Variants in MAPK9 observed in about 807,000 individuals in gnomAD.
The protein encoded by MAPK9 is mitogen-activated protein kinase 9.
Under a neutral mutation model 57.1 loss-of-function variants are expected in MAPK9, and 30 were observed. That is an observed-to-expected ratio of 0.53 (90% confidence interval 0.39 to 0.71). The LOEUF (loss-of-function observed/expected upper bound fraction) is 0.71. Among genes scored for constraint, MAPK9 ranks in the 30% least tolerant of loss-of-function variants. The pLI is 0.00. For missense variants in MAPK9, 362 were observed against 521.0 expected (o/e 0.69, Z 2.97); for synonymous variants, 155 against 177.0 (o/e 0.88, Z 0.99).
At chr5:180,262,197 C>A (rs574204065) in intron 4 of MAPK9, among the ~76,000 whole-genome samples, 5 of 152,232 alleles carry the variant, frequency 3.3e-5, no homozygotes, top group Non-Finnish European at 5.9e-5. Flanking sequence ...GGAGGCTCTG[C>A]ACGTAAGGGG....
chr5:180,258,697 CAT>C (rs1561808797), intron 5 of MAPK9, among the ~76,000 whole-genome samples: 1 of 151,998 alleles, frequency 6.6e-6, no homozygotes, highest in East Asian at 1.9e-4. Flanking sequence ...CCTCCAAACA[CAT>C]GAGAGAACTC....
In MAPK9 at chr5:180,280,625, A is replaced by T; in HGVS notation, c.-47-17T>A. On this transcript the variant is annotated splice_polypyrimidine_tract_variant and intron_variant, in intron 1 of 11. Coordinates refer to ENST00000452135, the MANE Select transcript of MAPK9 (RefSeq NM_002752.5). ...TTCAGATCCCTTCAAAGAAAAACAG[A>T]ATGAACGTGCATTCTTACCGGAAGT... 6.3e-7 allele frequency: 1 copy of T among 1,581,584 alleles called. No homozygotes were observed.
chr5:180,252,509 C>A (rs1271042133), intron 5 of MAPK9, among the ~76,000 whole-genome samples: 2 of 152,184 alleles, frequency 1.3e-5, no homozygotes, highest in African/African-American at 4.8e-5. Flanking sequence ...GTCTCCTCCA[C>A]CCACCCCGGG....
intron 1 of MAPK9, among the ~76,000 whole-genome samples, chr5:180,286,752 C>T (rs948560783): frequency 6.6e-6 from 1 of 152,246 alleles, no homozygotes; most frequent in African/African-American, 2.4e-5. Context: ...CAGAAGCATT[C>T]TCCCAGCCAC....
chr5:180,248,470 G>A (rs1451139308), intron 6 of MAPK9, among the ~76,000 whole-genome samples: 1 of 152,226 alleles, frequency 6.6e-6, no homozygotes, highest in African/African-American at 2.4e-5. Context: ...AAAGAGCTCT[G>A]ATATTGCTAG....
rs1346110709 is a variant in MAPK9, at chr5:180,236,426, G to A, written c.1233C>T (p.Ser411=). 3.7e-6 allele frequency: 6 copies of A among 1,613,444 alleles called. No individual in the cohort carries two copies. Among genetic ancestry groups the A allele is most frequent in the East Asian group, 4.5e-5 (2 of 44,878 alleles). The change falls in exon 12 of 12, where the codon AGC becomes AGT. Residue 411 remains serine (S), a synonymous_variant. Transcript: ENST00000452135. ...TEQTLASDTD[S]SLDASTGPLE... ...GGGGTCCCGTCGAGGCATCAAGACT[G>A]CTGTCTGTGTCTGAGGCCAGCGTCT...
chr5:180,272,385 G>A (rs1761414221), intron 2 of MAPK9, among the ~76,000 whole-genome samples: 1 of 152,198 alleles, frequency 6.6e-6, no homozygotes, highest in Non-Finnish European at 1.5e-5. Context: ...CTGACAGTGA[G>A]GAGGCTTATG....
chr5:180,255,834 G>A (rs1218210231), intron 5 of MAPK9, among the ~76,000 whole-genome samples: 1 of 152,160 alleles, frequency 6.6e-6, no homozygotes, highest in Non-Finnish European at 1.5e-5. Context: ...TATGGAAATA[G>A]AGACCAAAAT....
At chr5:180,269,499 T>C in intron 2 of MAPK9, 90 bp from the exon 3 acceptor site, 2 of 1,249,786 alleles carry the variant, frequency 1.6e-6, no homozygotes, top group Non-Finnish European at 1.1e-6. Context: ...ATCATCTTTT[T>C]AATAAGTAAC....
At chr5:180,242,473 T>C (rs1757747382) in intron 8 of MAPK9, 100 bp downstream of exon 8, 2 of 1,138,838 alleles carry the variant, frequency 1.8e-6, no homozygotes, top group Non-Finnish European at 1.2e-6. Context: ...CTAAAATGAC[T>C]TTCTCTCCCA....
chr5:180,264,065 T>C (rs925021078), intron 4 of MAPK9, among the ~76,000 whole-genome samples: 1 of 152,142 alleles, frequency 6.6e-6, no homozygotes, highest in African/African-American at 2.4e-5. Flanking sequence ...ATGGAGGTCT[T>C]TCCCCAGCCA....
At chr5:180,236,833 A>C (rs988890044) in intron 11 of MAPK9, 3 of 203,436 alleles carry the variant, frequency 1.5e-5, no homozygotes, top group African/African-American at 6.9e-5. Context: ...TTTCAAGCAG[A>C]CATCAAAAGG....
rs556169756 is a variant in MAPK9 at position 180,291,970 on chromosome 5, C to CCCGCCG, written c.-176_-171dup. On this transcript the variant is annotated 5_prime_UTR_variant, in exon 1 of 12. Transcript: ENST00000452135. The stretch of plus-strand genomic sequence containing the variant: ...GCCGGCCCGCCCCGCTCCGCTCCGC[C>CCCGCCG]CCGCCGCCGCCGCCGCCGCCGCCGC... 2.1e-3 allele frequency: 323 copies of CCCGCCG among 156,022 alleles called. 1 individual carries two copies. The highest frequency in any genetic ancestry group is 6.2e-3 in the Middle Eastern group (2 of 324). 9.7% of individuals were successfully genotyped at this position (156,022 alleles called of 1,614,324 possible). A position where few individuals can be genotyped will look rare whatever the true frequency, so the allele number is the denominator to read the frequency against.
intron 6 of MAPK9, 144 bp downstream of exon 6, chr5:180,248,829 C>A: frequency 2.7e-6 from 2 of 746,678 alleles, no homozygotes; most frequent in East Asian, 3.0e-5. Context: ...TTAATTATTT[C>A]TTATCTCTGG....
chr5:180,280,297 G>T, intron 2 of MAPK9, 143 bp downstream of exon 2: 1 of 1,074,842 alleles, frequency 9.3e-7, no homozygotes, highest in Non-Finnish European at 1.3e-6. Context: ...CAGAACTAGA[G>T]CAAGCAGTTG....
chr5:180,264,840 C>A lies in MAPK9; in HGVS notation c.253-1G>T. 1 of 1,535,686 alleles carries A rather than the reference C, an allele frequency of 6.5e-7. No individual in the cohort carries two copies. Among genetic ancestry groups the A allele is most frequent in the Admixed American group, 2.1e-5 (1 of 47,586 alleles). ...TAAACACATTTAACAAACTAATTAT[C>A]TGAAAAGAGAAAATTAATTATACTT... On this transcript the variant is annotated splice_acceptor_variant, in intron 3 of 11. Coordinates refer to ENST00000452135, the MANE Select transcript of MAPK9 (RefSeq NM_002752.5). LOFTEE classifies it high-confidence loss of function.
chr5:180,291,959 CT>C lies in MAPK9; in HGVS notation c.-160del, dbSNP rs1382527246. The C allele has an allele frequency of 1.5e-5, 2 of 136,358 alleles. No individual in the cohort carries two copies. The highest frequency in any genetic ancestry group is 7.8e-5 in the Admixed American group (1 of 12,858). The allele number at this position is 136,358 out of a possible 1,614,324, so 8.4% of individuals were successfully genotyped here. A position where few individuals can be genotyped will look rare whatever the true frequency, so the allele number is the denominator to read the frequency against. ...CCGGCTCCGCCGCCGGCCCGCCCCGCTCCGCTCCGCCCCGCCGCCGCCGCCG... is the reference window on the plus strand; with the variant it reads ...CCGGCTCCGCCGCCGGCCCGCCCCGCCCGCTCCGCCCCGCCGCCGCCGCCG... On this transcript the variant is annotated 5_prime_UTR_variant, in exon 1 of 12. Coordinates refer to ENST00000452135, the MANE Select transcript of MAPK9 (RefSeq NM_002752.5).
chr5:180,245,586 G>C (rs1412214066), intron 7 of MAPK9, among the ~76,000 whole-genome samples: 1 of 152,180 alleles, frequency 6.6e-6, no homozygotes, highest in Non-Finnish European at 1.5e-5. Flanking sequence ...AGAGGGACGG[G>C]GGAAGGGGAA....
chr5:180,289,552 A>C (rs1422161423), intron 1 of MAPK9, among the ~76,000 whole-genome samples: 2 of 152,192 alleles, frequency 1.3e-5, no homozygotes, highest in African/African-American at 2.4e-5. Flanking sequence ...TCTGGGTTCG[A>C]ACTCCACTCA....
Sources: allele counts gnomAD v4.1 joint callset (sites outside exome capture counted in the v4.1 genomes callset), GRCh38; gene constraint gnomAD v4.1.1; transcripts MANE v1.5; gene names NCBI Gene and HGNC (gene_info 2026-07-23, HGNC 2026-07-21).